AP3B2: variants seen among roughly 807,000 people sequenced by gnomAD.
AP3B2 encodes AP-3 complex subunit beta-2.
AP3B2 carries 50 observed loss-of-function variants against 126.9 expected under a neutral mutation model. The observed-to-expected ratio is 0.39, with a 90% CI of 0.31 to 0.50. The LOEUF is 0.50. Ranked by LOEUF, AP3B2 falls within the 20% of genes least tolerant of loss-of-function variation. The pLI, the probability that AP3B2 is intolerant of heterozygous loss-of-function variation, is 0.79. For missense variants in AP3B2, 1,177 were observed against 1,426.4 expected (o/e 0.83, Z 2.82); for synonymous variants, 541 against 565.0 (o/e 0.96, Z 0.60).
At position 82,677,323 on chromosome 15, in the gene AP3B2, T is replaced by G. The variant is rs780033124; in HGVS notation, c.1439A>C (p.Gln480Pro). 6.2e-7 allele frequency: 1 copy of G among 1,614,010 alleles called. No homozygotes were observed. Among genetic ancestry groups the G allele is most frequent in the Non-Finnish European group, 8.5e-7 (1 of 1,179,894 alleles). Reference protein sequence around the residue: ...IKKLLQMQPAQHGEIIKHLAK... With the variant: ...IKKLLQMQPAPHGEIIKHLAK... Reference sequence around the variant, plus strand: ...CAAGTGTTTGATGATCTCTCCATGTTGTGCTGGCTGCATCTGTAGCAATTT... The same window carrying G: ...CAAGTGTTTGATGATCTCTCCATGTGGTGCTGGCTGCATCTGTAGCAATTT... Residue 480 changes from glutamine (Q) to proline (P), a missense_variant, in exon 13 of 27, where the codon CAA becomes CCA. Gln to Pro is a moderately conservative substitution (Grantham distance 76). Coordinates refer to ENST00000535359, the MANE Select transcript of AP3B2 (RefSeq NM_001278512.2).
intron 10 of AP3B2, among the ~76,000 whole-genome samples, chr15:82,679,427 C>G (rs1302551381): frequency 6.6e-6 from 1 of 152,174 alleles, no homozygotes; most frequent in Admixed American, 6.5e-5. Flanking sequence ...TGGCCAGAGT[C>G]TATATTTTTA....
chr15:82,686,334 G>C (rs567705249), intron 4 of AP3B2: 2 of 152,308 alleles, frequency 1.3e-5, no homozygotes, highest in South Asian at 2.1e-4. Flanking sequence ...TGAAAGAAGG[G>C]AGAAGGCTGG....
In AP3B2 at chr15:82,681,629, G is replaced by T. The variant is rs1355835525; in HGVS notation, c.361-49C>A. The T allele has an allele frequency of 6.3e-7, 1 of 1,580,722 alleles. No homozygotes were observed. Among genetic ancestry groups the T allele is most frequent in the East Asian group, 2.2e-5 (1 of 44,732 alleles). On this transcript the variant is annotated intron_variant, in intron 4 of 26. Coordinates refer to ENST00000535359, the MANE Select transcript of AP3B2 (RefSeq NM_001278512.2). The surrounding 1 kb of genome is among the most constrained non-coding windows in gnomAD (Gnocchi z 4.0). ...GCTATGAAAGGGCACCAGGTGCCCT[G>T]ATGGGGGGAGGCCACACCTTTGGAA...
Position 82,664,465 on chromosome 15 carries a change from G to T in AP3B2, c.2163C>A (p.Asp721Glu), listed in dbSNP as rs2151429025. The T allele has an allele frequency of 6.2e-7, 1 of 1,613,680 alleles. No homozygotes were observed. Among genetic ancestry groups the T allele is most frequent in the African/African-American group, 1.3e-5 (1 of 74,982 alleles). ...DSDPESESES[D>E]SKSSSESGSG... is the part of the protein sequence containing the mutation. Reference sequence around the variant, plus strand: ...AGCCGCTCTCACTGCTGCTCTTACTGTCCGATTCACTCTCAGACTCAGGGT... The same window carrying T: ...AGCCGCTCTCACTGCTGCTCTTACTTTCCGATTCACTCTCAGACTCAGGGT... Residue 721 changes from aspartate to glutamate, a missense_variant, in exon 19 of 27, where the codon GAC (aspartate) becomes GAA (glutamate). Asp to Glu is a conservative substitution (Grantham distance 45, BLOSUM62 2). This residue lies in a region of AP3B2 where 587 missense variants were observed against 571.3 expected (regional missense o/e 1.03). Coordinates refer to ENST00000535359, the MANE Select transcript of AP3B2 (RefSeq NM_001278512.2). This position sits in a 1 kb window ranked among gnomAD's most constrained non-coding sequence, Gnocchi z 4.5.
chr15:82,660,707 C>T lies in AP3B2; in HGVS notation c.3017-724G>A, dbSNP rs552057477. 5.3e-5 allele frequency among the ~76,000 whole-genome samples: 8 copies of T among 152,314 alleles called. No homozygotes were observed. The South Asian group carries it at 1.7e-3, about 32-fold the overall frequency. ...TTCTTCACCTCCTTTTAGAAACTGA[C>T]ATCCCTCTCCTGTTTCTTCTATCCC... On this transcript the variant is annotated intron_variant, in intron 25 of 26. Coordinates refer to ENST00000535359, the MANE Select transcript of AP3B2 (RefSeq NM_001278512.2).
chr15:82,707,890 A>T (rs1201879044), intron 1 of AP3B2, among the ~76,000 whole-genome samples: 2 of 152,096 alleles, frequency 1.3e-5, no homozygotes, highest in African/African-American at 4.8e-5. Context: ...ACGCCACCCC[A>T]ATCCCGCTCG....
intron 23 of AP3B2, 21 bp from the exon 24 acceptor site, chr15:82,662,273 GA>G: frequency 6.4e-7 from 1 of 1,565,224 alleles, no homozygotes; most frequent in Non-Finnish European, 8.7e-7. Flanking sequence ...ATAAGGCAGT[GA>G]AGGGGAGAGG....
At position 82,681,388 on chromosome 15, in the gene AP3B2, C is replaced by T. The variant is rs756528750; in HGVS notation, c.521+32G>A. The T allele has an allele frequency of 1.9e-6, 3 of 1,610,590 alleles. No homozygotes were observed. Among genetic ancestry groups the T allele is most frequent in the South Asian group, 2.2e-5 (2 of 90,538 alleles). Reference sequence around the variant, plus strand: ...GGGTTGAGAACTTAGGAACCAGCCTCCTGGGGAGCGTGGGACAGGGCTGGG... The same window carrying T: ...GGGTTGAGAACTTAGGAACCAGCCTTCTGGGGAGCGTGGGACAGGGCTGGG... On this transcript the variant is annotated intron_variant, in intron 5 of 26. Transcript: ENST00000535359. This position sits in a 1 kb window ranked among gnomAD's most constrained non-coding sequence, Gnocchi z 4.0.
In AP3B2 at chr15:82,661,695, GC is replaced by G. The variant is rs1175563164; in HGVS notation, c.3016+129del. The G allele has an allele frequency of 5.9e-6, 4 of 683,624 alleles. No individual in the cohort carries two copies. The African/African-American group carries it at 7.2e-5, about 12-fold the overall frequency. 42.3% of individuals were successfully genotyped at this position (683,624 alleles called of 1,614,324 possible). Reference sequence around the variant, plus strand: ...TCAAAGCCTAAAACATTTATCTTTGGCCCGTTACAGAAAGTTTGCTGACCCC... The same window carrying G: ...TCAAAGCCTAAAACATTTATCTTTGGCCGTTACAGAAAGTTTGCTGACCCC... On this transcript the variant is annotated intron_variant, in intron 25 of 26. Transcript: ENST00000535359.
At chr15:82,685,329 T>G (rs1366106593) in intron 4 of AP3B2, 1 of 152,204 alleles carries the variant, frequency 6.6e-6, no homozygotes, top group East Asian at 1.9e-4. Context: ...TTGTAAAAAG[T>G]GCAATATCTG....
Position 82,664,758 on chromosome 15 carries a change from A to G in AP3B2, c.2137+77T>C. The G allele has an allele frequency of 8.5e-7, 1 of 1,173,150 alleles. No individual in the cohort carries two copies. Among genetic ancestry groups the G allele is most frequent in the Non-Finnish European group, 1.2e-6 (1 of 815,750 alleles). The allele number at this position is 1,173,150 out of a possible 1,614,324, so 72.7% of individuals were successfully genotyped here. A position where few individuals can be genotyped will look rare whatever the true frequency, so the allele number is the denominator to read the frequency against. On this transcript the variant is annotated intron_variant, in intron 18 of 26. Coordinates refer to ENST00000535359, the MANE Select transcript of AP3B2 (RefSeq NM_001278512.2). This position sits in a 1 kb window ranked among gnomAD's most constrained non-coding sequence, Gnocchi z 4.5. ...CACACCCCTAGACACACAACCATAT[A>G]CATATACCCCTCATATAGTCAGTCA...
rs1278625405 is a variant in AP3B2 at position 82,688,835 on chromosome 15, G to A, written c.265-4C>T. 18 of 1,608,340 alleles carry A rather than the reference G, an allele frequency of 1.1e-5. No individual in the cohort carries two copies. The highest frequency in any genetic ancestry group is 1.5e-5 in the Non-Finnish European group (18 of 1,177,310). On this transcript the variant is annotated splice_polypyrimidine_tract_variant and splice_region_variant and intron_variant, in intron 3 of 26. Transcript: ENST00000535359. ...ACACATAGACAAGCTTCTTCACCTT[G>A]GGGAGAGCACGTTTCTCAGCAGAAC...
chr15:82,709,716 A>G lies in AP3B2; in HGVS notation c.-10T>C. On this transcript the variant is annotated 5_prime_UTR_variant, in exon 1 of 27. Transcript: ENST00000535359. ...CGGGGGCGGCCGACATGGGGCGGCC[A>G]GGGAGACTTCGCCGAGGAGGAGGTT... is the stretch of plus-strand genomic sequence containing the variant. The G allele has an allele frequency of 1.4e-6, 2 of 1,470,490 alleles. No individual in the cohort carries two copies. Among genetic ancestry groups the G allele is most frequent in the Non-Finnish European group, 1.8e-6 (2 of 1,110,362 alleles). The allele number at this position is 1,470,490 out of a possible 1,614,324, so 91.1% of individuals were successfully genotyped here.
chr15:82,679,771 G>A lies in AP3B2; in HGVS notation c.1140C>T (p.Phe380=), dbSNP rs765906376. ...GGGTGGGGTCGGTGGACCTGATGTA[G>A]AAGCTCTTCAGGTAGGGCTCAAACA... is the stretch of plus-strand genomic sequence containing the variant. ...RGMFEPYLKS[F]YIRSTDPTQI... Residue 380 remains phenylalanine (F), a synonymous_variant, in exon 10 of 27, where the codon TTC becomes TTT. Coordinates refer to ENST00000535359, the MANE Select transcript of AP3B2 (RefSeq NM_001278512.2). The A allele has an allele frequency of 6.2e-7, 1 of 1,613,874 alleles. No homozygotes were observed. The highest frequency in any genetic ancestry group is 8.5e-7 in the Non-Finnish European group (1 of 1,179,828).
chr15:82,689,556 A>C, intron 1 of AP3B2, 103 bp from the exon 2 acceptor site: 6 of 1,105,800 alleles, frequency 5.4e-6, no homozygotes, highest in Middle Eastern at 2.0e-4. Flanking sequence ...GGGGAGGCTC[A>C]GGCAGGACCT....
chr15:82,707,993 GTTAT>G (rs1418797884), intron 1 of AP3B2, among the ~76,000 whole-genome samples: 3 of 152,074 alleles, frequency 2.0e-5, no homozygotes, highest in African/African-American at 7.2e-5. Context: ...ACTATTTTAT[GTTAT>G]TTTTCTTATT....
rs565874058 is a variant in AP3B2, at chr15:82,677,509, C to T, written c.1379-126G>A. The T allele has an allele frequency of 4.1e-5, 56 of 1,354,382 alleles. No homozygotes were observed. In the African/African-American group the frequency reaches 6.1e-4, roughly 15 times the overall value. 83.9% of individuals were successfully genotyped at this position (1,354,382 alleles called of 1,614,324 possible). On this transcript the variant is annotated intron_variant, in intron 12 of 26. Transcript: ENST00000535359. ...TCAACCCCCTTCAGTTCTCTAGCAGCCCTCAGAGGTGTAGGAACACTTGGG... is the reference window on the plus strand; with the variant it reads ...TCAACCCCCTTCAGTTCTCTAGCAGTCCTCAGAGGTGTAGGAACACTTGGG...
intron 4 of AP3B2, chr15:82,688,385 T>G: frequency 2.9e-6 from 2 of 701,658 alleles, no homozygotes; most frequent in Non-Finnish European, 5.2e-6. Context: ...TGGACCACAA[T>G]TCACACCTTT....
intron 1 of AP3B2, chr15:82,699,159 G>C (rs2048677605): frequency 6.5e-6 from 1 of 153,690 alleles, no homozygotes; most frequent in South Asian, 2.1e-4. Context: ...CTCTTCTGGG[G>C]GTGGCTGGAG....
Sources: allele counts gnomAD v4.1 joint callset (sites outside exome capture counted in the v4.1 genomes callset), GRCh38; gene constraint gnomAD v4.1.1; regional missense constraint gnomAD v4.1.1; non-coding constraint Gnocchi (gnomAD v3.1); transcripts MANE v1.5; gene names NCBI Gene and HGNC (gene_info 2026-07-23, HGNC 2026-07-21).